BCL11B: variants seen among roughly 807,000 people sequenced by gnomAD.
BCL11B encodes B-cell lymphoma/leukemia 11B.
In BCL11B, 8 loss-of-function variants were observed where a neutral mutation model predicts 49.9. That is an observed-to-expected ratio of 0.16 (90% CI 0.09 to 0.29). The LOEUF is 0.29. Ranked by LOEUF, BCL11B falls within the 10% of genes least tolerant of loss-of-function variation. The pLI, the probability that BCL11B is intolerant of heterozygous loss-of-function variation, is 1.00. For synonymous variants in BCL11B, 739 were observed against 637.4 expected (o/e 1.16, Z -2.40); for missense variants, 1,006 against 1,351.0 (o/e 0.74, Z 4.00).
Position 99,192,433 on chromosome 14 carries a change from A to G in BCL11B, c.641-16238T>C, listed in dbSNP as rs553308167. Among the ~76,000 whole-genome samples the G allele has an allele frequency of 6.6e-6, 1 of 152,280 alleles. No homozygotes were observed. Among genetic ancestry groups the G allele is most frequent in the African/African-American group, 2.4e-5 (1 of 41,554 alleles). On this transcript the variant is annotated intron_variant, in intron 3 of 3. Coordinates refer to ENST00000357195, the MANE Select transcript of BCL11B (RefSeq NM_138576.4). The surrounding 1 kb of genome is among the most constrained non-coding windows in gnomAD (Gnocchi z 4.0). ...CTGTAAACTGGGGCTGGTGCTTTCA[A>G]TCAAGAAACGTGGCTCTCGTTAGAA...
intron 3 of BCL11B, among the ~76,000 whole-genome samples, chr14:99,230,370 C>T (rs947046836): frequency 4.6e-5 from 7 of 152,212 alleles, no homozygotes; most frequent in African/African-American, 9.6e-5. Flanking sequence ...ATCAAATCTG[C>T]CCCAGCTCTG....
Position 99,190,743 on chromosome 14 carries a change from AAAG to A in BCL11B, c.641-14551_641-14549del, listed in dbSNP as rs1171029361. On this transcript the variant is annotated intron_variant, in intron 3 of 3. Transcript: ENST00000357195. ...AAGGCTATCAGTAAGCTAATTCTAG[AAAG>A]AAGAATTGTTCTAAAGCTCGGCATG... Among the ~76,000 whole-genome samples the A allele has an allele frequency of 2.0e-5, 3 of 152,222 alleles. No individual in the cohort carries two copies. The East Asian group carries it at 5.8e-4, about 29-fold the overall frequency.
intron 1 of BCL11B, among the ~76,000 whole-genome samples, chr14:99,260,292 T>C (rs976150490): frequency 3.9e-5 from 6 of 152,176 alleles, no homozygotes; most frequent in Non-Finnish European, 1.5e-5. Context: ...CAGTGGAAGA[T>C]TTGATAAAAA....
At chr14:99,225,529 C>T (rs1277305432) in intron 3 of BCL11B, among the ~76,000 whole-genome samples, 1 of 152,174 alleles carries the variant, frequency 6.6e-6, no homozygotes, top group Non-Finnish European at 1.5e-5. Context: ...CTTGAAAGCG[C>T]TGCATCCAGC....
chr14:99,246,904 T>C (rs960951330), intron 2 of BCL11B, among the ~76,000 whole-genome samples: 5 of 152,008 alleles, frequency 3.3e-5, no homozygotes, highest in Non-Finnish European at 2.9e-5. Flanking sequence ...AACCGGAAAA[T>C]TGCAGTAGCG....
At chr14:99,177,737 CGGT>C (rs1886581727) in intron 3 of BCL11B, among the ~76,000 whole-genome samples, 1 of 151,826 alleles carries the variant, frequency 6.6e-6, no homozygotes, top group South Asian at 2.1e-4. Context: ...TTCCCAATAT[CGGT>C]AAGTTGCCAT....
At chr14:99,214,439 T>G (rs1041512394) in intron 3 of BCL11B, among the ~76,000 whole-genome samples, 3 of 151,706 alleles carry the variant, frequency 2.0e-5, no homozygotes, top group Non-Finnish European at 4.4e-5. Context: ...ATGCCCATAA[T>G]CCCAGCTACT....
At chr14:99,236,655 G>T (rs1419971973) in intron 2 of BCL11B, among the ~76,000 whole-genome samples, 1 of 152,092 alleles carries the variant, frequency 6.6e-6, no homozygotes, top group Non-Finnish European at 1.5e-5. Flanking sequence ...TCAGGCCCTG[G>T]TCTAAACACA....
intron 2 of BCL11B, among the ~76,000 whole-genome samples, chr14:99,251,019 G>A (rs1456042544): frequency 4.6e-5 from 7 of 152,222 alleles, no homozygotes; most frequent in Middle Eastern, 3.4e-3. Context: ...TGGGTCCACC[G>A]CCTCCCTGGA....
At chr14:99,197,747 C>T (rs17098369) in intron 3 of BCL11B, among the ~76,000 whole-genome samples, 2,441 of 152,246 alleles carry the variant, frequency 0.016, 79 homozygotes, top group African/African-American at 0.056. Context: ...AGCAGACAGA[C>T]GGCTGGAGCG....
chr14:99,194,822 T>C lies in BCL11B; in HGVS notation c.641-18627A>G, dbSNP rs1887135134. Among the ~76,000 whole-genome samples, 1 of 152,178 alleles carries C rather than the reference T, an allele frequency of 6.6e-6. No homozygotes were observed. Among genetic ancestry groups the C allele is most frequent in the African/African-American group, 2.4e-5 (1 of 41,434 alleles). On this transcript the variant is annotated intron_variant, in intron 3 of 3. Coordinates refer to ENST00000357195, the MANE Select transcript of BCL11B (RefSeq NM_138576.4). This position sits in a 1 kb window ranked among gnomAD's most constrained non-coding sequence, Gnocchi z 4.6. ...CAACCCCCGAGGATGCAGACAGGCCTGAACCACGGGCACCCGACCAGTAGG... is the reference window on the plus strand; with the variant it reads ...CAACCCCCGAGGATGCAGACAGGCCCGAACCACGGGCACCCGACCAGTAGG...
intron 3 of BCL11B, among the ~76,000 whole-genome samples, chr14:99,216,611 G>A (rs1887842171): frequency 6.6e-6 from 1 of 152,142 alleles, no homozygotes; most frequent in Non-Finnish European, 1.5e-5. Flanking sequence ...TCTAGAGAGA[G>A]ACTCGCCCTC....
intron 3 of BCL11B, among the ~76,000 whole-genome samples, chr14:99,225,259 C>T (rs554546083): frequency 6.6e-6 from 1 of 152,366 alleles, no homozygotes; most frequent in Non-Finnish European, 1.5e-5. Flanking sequence ...CATCCCCACT[C>T]TCTGCCTTGG....
At chr14:99,191,415 A>AG (rs1491584791) in intron 3 of BCL11B, among the ~76,000 whole-genome samples, 1 of 148,796 alleles carries the variant, frequency 6.7e-6, no homozygotes, top group Non-Finnish European at 1.5e-5. Flanking sequence ...AAAAAAAAAA[A>AG]TAGACTGAAA....
At chr14:99,212,335 TGCA>T (rs34179461) in intron 3 of BCL11B, among the ~76,000 whole-genome samples, 48,305 of 152,020 alleles carry the variant, frequency 0.32, 9,162 homozygotes, top group Non-Finnish European at 0.44. Context: ...TGTGCAAACC[TGCA>T]GCCTCCCCTG....
intron 3 of BCL11B, among the ~76,000 whole-genome samples, chr14:99,196,707 G>T (rs1319856180): frequency 6.6e-6 from 1 of 152,228 alleles, no homozygotes; most frequent in Non-Finnish European, 1.5e-5. Flanking sequence ...CATCAGAGAG[G>T]ATACCTGTGT....
chr14:99,243,999 A>G (rs1888748468), intron 2 of BCL11B, among the ~76,000 whole-genome samples: 1 of 149,124 alleles, frequency 6.7e-6, no homozygotes, highest in East Asian at 2.0e-4. Flanking sequence ...GGAAGCACAC[A>G]CTGCAGGGCA....
intron 3 of BCL11B, among the ~76,000 whole-genome samples, chr14:99,230,924 A>G (rs1291335019): frequency 6.6e-6 from 1 of 152,188 alleles, no homozygotes; most frequent in Non-Finnish European, 1.5e-5. Context: ...GGACGGCTCC[A>G]GCAATGTACA....
chr14:99,184,620 A>G lies in BCL11B; in HGVS notation c.641-8425T>C, dbSNP rs975232069. Among the ~76,000 whole-genome samples the G allele has an allele frequency of 6.6e-6, 1 of 152,136 alleles. No homozygotes were observed. The highest frequency in any genetic ancestry group is 2.4e-5 in the African/African-American group (1 of 41,416). On this transcript the variant is annotated intron_variant, in intron 3 of 3. Coordinates refer to ENST00000357195, the MANE Select transcript of BCL11B (RefSeq NM_138576.4). The surrounding 1 kb of genome is among the most constrained non-coding windows in gnomAD (Gnocchi z 6.1). ...GCGTGTGCTGGGGTCCAGACTCACA[A>G]CTGGCTGCCCCTCACACAGGGATGG...
Sources: gnomAD v4.1 joint callset for allele counts (sites outside exome capture counted in the v4.1 genomes callset) on GRCh38, gnomAD v4.1.1 for gene constraint, Gnocchi (gnomAD v3.1) non-coding constraint, MANE v1.5 for transcripts, NCBI Gene and HGNC (gene_info 2026-07-23, HGNC 2026-07-21) for gene names.